The following GALNTL6 variants were observed in gnomAD, a reference collection of about 807,000 sequenced individuals.
The protein encoded by GALNTL6 is polypeptide N-acetylgalactosaminyltransferase-like 6.
In GALNTL6, 46 loss-of-function variants were observed where a neutral mutation model predicts 73.7. The ratio of observed to expected loss-of-function variants is 0.62; its 90% CI spans 0.49 to 0.80. The LOEUF (loss-of-function observed/expected upper bound fraction) is 0.80. Among genes scored for constraint, GALNTL6 ranks in the 30% least tolerant of loss-of-function variants. GALNTL6 has a pLI of 0.00. For synonymous variants in GALNTL6, 259 were observed against 263.7 expected, an observed-to-expected ratio of 0.98 and a Z score of 0.17; for missense variants, 604 against 755.0, an observed-to-expected ratio of 0.80 and a Z score of 2.34.
At chr4:172,640,122 A>G (rs1480495058) in intron 5 of GALNTL6, among the ~76,000 whole-genome samples, 1 of 152,026 alleles carries the variant, frequency 6.6e-6, no homozygotes, top group African/African-American at 2.4e-5. Flanking sequence ...ATTTGCCTCT[A>G]TTGTTCACTG....
chr4:172,845,956 T>C (rs932343599), intron 7 of GALNTL6, among the ~76,000 whole-genome samples: 8 of 152,168 alleles, frequency 5.3e-5, no homozygotes, highest in Non-Finnish European at 1.2e-4. Flanking sequence ...TCTATCCTAA[T>C]GAAAAATGTG....
intron 5 of GALNTL6, among the ~76,000 whole-genome samples, chr4:172,678,441 G>A (rs1732434407): frequency 6.6e-6 from 1 of 151,444 alleles, no homozygotes; most frequent in Non-Finnish European, 1.5e-5. Flanking sequence ...TGCCTCCCTG[G>A]TTCAAGCAAT....
chr4:172,598,223 A>G lies in GALNTL6; in HGVS notation c.554-211138A>G, dbSNP rs117217979. ...GTGCAGTATCTGAAAACACAGCAAA[A>G]TCCTAAAATACATGATCCAAACATA... On this transcript the variant is annotated intron_variant, in intron 5 of 12. Transcript: ENST00000506823. 7.5e-4 allele frequency among the ~76,000 whole-genome samples: 114 copies of G among 152,252 alleles called. 5 individuals carry two copies. In the East Asian group the frequency reaches 0.02, roughly 27 times the overall value.
chr4:172,217,263 T>C (rs1038992784), intron 2 of GALNTL6, among the ~76,000 whole-genome samples: 1 of 152,150 alleles, frequency 6.6e-6, no homozygotes, highest in Non-Finnish European at 1.5e-5. Flanking sequence ...TGCAAGGCCG[T>C]TTCAAAATGT....
intron 5 of GALNTL6, among the ~76,000 whole-genome samples, chr4:172,739,170 G>C (rs1290475248): frequency 1.3e-5 from 2 of 152,142 alleles, no homozygotes; most frequent in Non-Finnish European, 2.9e-5. Context: ...TTAGATGGTT[G>C]GAGGGCCTTA....
intron 5 of GALNTL6, among the ~76,000 whole-genome samples, chr4:172,564,201 A>C (rs987003846): frequency 6.6e-6 from 1 of 152,218 alleles, no homozygotes; most frequent in African/African-American, 2.4e-5. Context: ...CTATACAAGT[A>C]ATTAATGCTA....
chr4:172,933,785 G>A (rs889960412), intron 9 of GALNTL6, among the ~76,000 whole-genome samples: 11 of 152,124 alleles, frequency 7.2e-5, no homozygotes, highest in Admixed American at 2.0e-4. Context: ...GCAGGGCCAC[G>A]TCTACTCAAC....
chr4:172,687,613 G>C (rs1251995304), intron 5 of GALNTL6, among the ~76,000 whole-genome samples: 3 of 119,932 alleles, frequency 2.5e-5, no homozygotes, highest in Non-Finnish European at 5.2e-5. Flanking sequence ...GAGCGACAAG[G>C]CAAGACTGTC....
chr4:171,903,576 C>T (rs967997170), intron 2 of GALNTL6, among the ~76,000 whole-genome samples: 2 of 142,146 alleles, frequency 1.4e-5, no homozygotes, highest in Non-Finnish European at 3.0e-5. Context: ...GAGGGGCGCC[C>T]GCCATTGTCC....
At chr4:172,849,057 A>G in intron 7 of GALNTL6, among the ~76,000 whole-genome samples, 1 of 152,138 alleles carries the variant, frequency 6.6e-6, no homozygotes, top group East Asian at 1.9e-4. Flanking sequence ...ATCCCCTGAA[A>G]GCAACTAAAA....
chr4:172,887,526 T>C (rs1470475295), intron 8 of GALNTL6, among the ~76,000 whole-genome samples: 1 of 147,908 alleles, frequency 6.8e-6, no homozygotes, highest in Non-Finnish European at 1.5e-5. Flanking sequence ...CAACATATTA[T>C]ATTTTAACCT....
intron 7 of GALNTL6, among the ~76,000 whole-genome samples, chr4:172,823,545 G>C (rs1742060083): frequency 6.6e-6 from 1 of 152,168 alleles, no homozygotes; most frequent in South Asian, 2.1e-4. Flanking sequence ...ATTTGAAAAA[G>C]GGATGACAGT....
intron 9 of GALNTL6, among the ~76,000 whole-genome samples, chr4:172,932,198 A>C (rs1382057232): frequency 6.6e-6 from 1 of 152,244 alleles, no homozygotes; most frequent in Non-Finnish European, 1.5e-5. Context: ...AGGAATCATT[A>C]GAGTATCAGT....
intron 5 of GALNTL6, among the ~76,000 whole-genome samples, chr4:172,502,082 C>A (rs546383716): frequency 6.6e-6 from 1 of 152,232 alleles, no homozygotes; most frequent in South Asian, 2.1e-4. Flanking sequence ...ATGTACTGAA[C>A]ACCTTGTCAA....
intron 8 of GALNTL6, among the ~76,000 whole-genome samples, chr4:172,909,234 T>C (rs1312722312): frequency 6.6e-6 from 1 of 150,940 alleles, no homozygotes; most frequent in African/African-American, 2.4e-5. Context: ...ATTTTAAGCA[T>C]TAAAAATGAC....
intron 10 of GALNTL6, among the ~76,000 whole-genome samples, chr4:172,988,596 A>G (rs539453790): frequency 1.3e-4 from 20 of 152,350 alleles, no homozygotes; most frequent in African/African-American, 4.6e-4. Flanking sequence ...ACAATGGAGA[A>G]AATGCCTTGA....
intron 5 of GALNTL6, among the ~76,000 whole-genome samples, chr4:172,793,799 G>A (rs558192099): frequency 1.3e-5 from 2 of 152,262 alleles, no homozygotes; most frequent in South Asian, 4.1e-4. Context: ...GCATGTTTTA[G>A]ACATATGATT....
chr4:172,099,293 A>G (rs1732444939), intron 2 of GALNTL6, among the ~76,000 whole-genome samples: 1 of 152,298 alleles, frequency 6.6e-6, no homozygotes, highest in African/African-American at 2.4e-5. Flanking sequence ...AGTATGAGCA[A>G]TATGAGGGAG....
chr4:172,000,756 C>T (rs1199741088), intron 2 of GALNTL6, among the ~76,000 whole-genome samples: 2 of 152,118 alleles, frequency 1.3e-5, no homozygotes, highest in African/African-American at 2.4e-5. Context: ...CTGCTTAGTG[C>T]AGTCAATGAG....
Sources: gnomAD v4.1 joint callset for allele counts (sites outside exome capture counted in the v4.1 genomes callset) on GRCh38, gnomAD v4.1.1 for gene constraint, MANE v1.5 for transcripts, NCBI Gene and HGNC (gene_info 2026-07-23, HGNC 2026-07-21) for gene names.